The following MIR2052HG variants were observed in gnomAD, a reference collection of about 807,000 sequenced individuals.
MIR2052HG encodes the protein MIR2052 host gene.
At chr8:74,708,759 C>T (rs1809435571) in intron 4 of MIR2052HG, among the ~76,000 whole-genome samples, 1 of 149,606 alleles carries the variant, frequency 6.7e-6, no homozygotes, top group Admixed American at 6.6e-5. Context: ...TAAAATTAAA[C>T]TTTAAAATAA....
At chr8:74,757,170 G>C (rs1334685555) in intron 5 of MIR2052HG, 3 of 152,174 alleles carry the variant, frequency 2.0e-5, no homozygotes, top group Non-Finnish European at 2.9e-5. Context: ...CTGTGAGAGT[G>C]TCATTAGGTT....
At chr8:74,650,783 T>A (rs1172815191) in intron 2 of MIR2052HG, among the ~76,000 whole-genome samples, 1 of 152,184 alleles carries the variant, frequency 6.6e-6, no homozygotes, top group African/African-American at 2.4e-5. Flanking sequence ...TGAAAATATT[T>A]CTCTACTAAA....
intron 2 of MIR2052HG, among the ~76,000 whole-genome samples, chr8:74,684,985 A>G (rs1005635046): frequency 1.1e-4 from 17 of 152,102 alleles, no homozygotes; most frequent in African/African-American, 2.4e-4. Flanking sequence ...TCTAGCCCCA[A>G]TGATTGTCAG....
intron 4 of MIR2052HG, among the ~76,000 whole-genome samples, chr8:74,723,792 T>C (rs905384439): frequency 2.0e-5 from 3 of 152,232 alleles, no homozygotes; most frequent in Non-Finnish European, 4.4e-5. Context: ...CAGTTCTTCA[T>C]GTAAGTCAAA....
chr8:74,692,648 A>T (rs1809251068), intron 2 of MIR2052HG, among the ~76,000 whole-genome samples: 1 of 152,192 alleles, frequency 6.6e-6, no homozygotes, highest in Non-Finnish European at 1.5e-5. Context: ...TAAGTTTCTC[A>T]AAGTTTGTTT....
At chr8:74,634,973 T>C (rs528337352) in intron 2 of MIR2052HG, among the ~76,000 whole-genome samples, 8 of 152,326 alleles carry the variant, frequency 5.3e-5, no homozygotes, top group African/African-American at 1.7e-4. Context: ...AAGGAAAATG[T>C]ATATTCATTA....
At chr8:74,653,568 G>T (rs2553713) in intron 2 of MIR2052HG, among the ~76,000 whole-genome samples, 95,687 of 151,968 alleles carry the variant, frequency 0.63, 30,390 homozygotes, top group East Asian at 0.77. Context: ...CTGTTGAAAG[G>T]TAAACTGATG....
At chr8:74,610,192 C>T (rs574110919) in intron 1 of MIR2052HG, among the ~76,000 whole-genome samples, 5 of 151,646 alleles carry the variant, frequency 3.3e-5, no homozygotes, top group Non-Finnish European at 5.9e-5. Context: ...TTGCAGGATG[C>T]AAGATTAATA....
intron 2 of MIR2052HG, among the ~76,000 whole-genome samples, chr8:74,617,423 C>A (rs1425776): frequency 0.13 from 19,731 of 151,304 alleles, 1,758 homozygotes; most frequent in Middle Eastern, 0.29. Context: ...GACATTATTT[C>A]ATTATTTTTT....
intron 4 of MIR2052HG, among the ~76,000 whole-genome samples, chr8:74,707,301 A>C (rs1314249425): frequency 1.3e-5 from 2 of 152,132 alleles, no homozygotes; most frequent in Admixed American, 1.3e-4. Context: ...GAGAGGCTGA[A>C]AGTCTTCTTC....
chr8:74,715,431 G>C (rs1214933831), intron 4 of MIR2052HG, among the ~76,000 whole-genome samples: 1 of 152,134 alleles, frequency 6.6e-6, no homozygotes, highest in African/African-American at 2.4e-5. Context: ...TCACAATTCA[G>C]AATTAACTTT....
At chr8:74,721,218 A>C (rs2128754094) in intron 4 of MIR2052HG, among the ~76,000 whole-genome samples, 1 of 152,284 alleles carries the variant, frequency 6.6e-6, no homozygotes, top group Middle Eastern at 3.4e-3. Flanking sequence ...AGGAAGGGAA[A>C]GGTAGCCCCA....
At chr8:74,707,314 A>G (rs1809421191) in intron 4 of MIR2052HG, among the ~76,000 whole-genome samples, 1 of 152,156 alleles carries the variant, frequency 6.6e-6, no homozygotes, top group Admixed American at 6.6e-5. Flanking sequence ...TCTTCTTCAG[A>G]ATACACCCAT....
intron 2 of MIR2052HG, chr8:74,613,053 C>T (rs770792866): frequency 1.3e-4 from 50 of 379,842 alleles, no homozygotes; most frequent in South Asian, 8.3e-4. Context: ...AAAGGGAGAG[C>T]GTTGCTGATG....
At chr8:74,690,622 G>A (rs555643833) in intron 2 of MIR2052HG, among the ~76,000 whole-genome samples, 150 of 152,112 alleles carry the variant, frequency 9.9e-4, no homozygotes, top group Non-Finnish European at 1.9e-3. Flanking sequence ...CTGCACTCCA[G>A]CCTGGGCGAC....
intron 2 of MIR2052HG, among the ~76,000 whole-genome samples, chr8:74,614,416 C>G (rs1051929320): frequency 6.6e-6 from 1 of 152,082 alleles, no homozygotes; most frequent in African/African-American, 2.4e-5. Context: ...CTGGTCCTTG[C>G]TTTTATAATT....
chr8:74,707,398 G>T lies in MIR2052HG; in HGVS notation n.371+3716G>T, dbSNP rs78610045. On this transcript the variant is annotated intron_variant and non_coding_transcript_variant, in intron 4 of 6. Coordinates refer to ENST00000523442, the Ensembl canonical transcript of MIR2052HG. ...AAATAAAATACATACAAGCAATTAG[G>T]ATAGTATCGATATGGTAGAGTCTGA... 7.5e-3 allele frequency among the ~76,000 whole-genome samples: 1,144 copies of T among 152,218 alleles called. 5 individuals are homozygous for T. Among genetic ancestry groups the T allele is most frequent in the East Asian group, 0.021 (109 of 5,170 alleles).
At chr8:74,660,725 C>T (rs1452720360) in intron 2 of MIR2052HG, among the ~76,000 whole-genome samples, 1 of 152,070 alleles carries the variant, frequency 6.6e-6, no homozygotes, top group African/African-American at 2.4e-5. Context: ...ATTACATGAG[C>T]GTTCAAGGGA....
At chr8:74,725,645 A>T (rs1809626407) in intron 4 of MIR2052HG, among the ~76,000 whole-genome samples, 1 of 152,076 alleles carries the variant, frequency 6.6e-6, no homozygotes, top group African/African-American at 2.4e-5. Flanking sequence ...TGATCATCCC[A>T]GGGTTCCCAC....
Sources: gnomAD v4.1 joint callset for allele counts (sites outside exome capture counted in the v4.1 genomes callset) on GRCh38, gnomAD v4.1.1 for gene constraint, MANE v1.5 for transcripts, NCBI Gene and HGNC (gene_info 2026-07-23, HGNC 2026-07-21) for gene names.